The following TBX15 variants were observed in gnomAD, a reference collection of about 807,000 sequenced individuals.
TBX15 encodes T-box transcription factor TBX15.
Under a neutral mutation model 53.9 loss-of-function variants are expected in TBX15, and 18 were observed. The observed-to-expected ratio is 0.33, with a 90% CI of 0.23 to 0.49. The LOEUF (loss-of-function observed/expected upper bound fraction) is 0.49, where lower values mean the gene tolerates loss of function less well. Among genes scored for constraint, TBX15 ranks in the 20% least tolerant of loss-of-function variants. The pLI is 0.98. For missense variants in TBX15, 692 were observed against 749.5 expected, an observed-to-expected ratio of 0.92 and a Z score of 0.90; for synonymous variants, 295 against 278.0, an observed-to-expected ratio of 1.06 and a Z score of -0.61.
chr1:118,936,947 T>A (rs920084109), intron 1 of TBX15, among the ~76,000 whole-genome samples: 1 of 152,188 alleles, frequency 6.6e-6, no homozygotes, highest in Non-Finnish European at 1.5e-5. Context: ...GTTCTTGTTC[T>A]GAAGGAGCTC....
chr1:118,914,785 C>G (rs1655144749), intron 5 of TBX15, among the ~76,000 whole-genome samples: 1 of 152,176 alleles, frequency 6.6e-6, no homozygotes. Flanking sequence ...TTGCCAGGGT[C>G]TTACCCAAAG....
chr1:118,947,434 G>A (rs1394918581), intron 1 of TBX15, among the ~76,000 whole-genome samples: 2 of 152,180 alleles, frequency 1.3e-5, no homozygotes. Context: ...GTTAGTCCTG[G>A]TTTGGAATCA....
At position 118,957,646 on chromosome 1, in the gene TBX15, G is replaced by A. The variant is rs137905799; in HGVS notation, c.206-25814C>T. Among the ~76,000 whole-genome samples the A allele has an allele frequency of 2.7e-4, 41 of 152,180 alleles. 2 individuals are homozygous for A. The East Asian group carries it at 7.0e-3, about 26-fold the overall frequency. ...CTCCCCCAACCCCACAACAGGCCGC[G>A]GTGTGTGATGTTCCCCTTCCTGTGT... On this transcript the variant is annotated intron_variant, in intron 1 of 7. Transcript: ENST00000369429.
chr1:118,972,934 G>A (rs1474555390), intron 1 of TBX15, among the ~76,000 whole-genome samples: 4 of 152,192 alleles, frequency 2.6e-5, no homozygotes, highest in Admixed American at 1.3e-4. Context: ...AAGAGTGTCT[G>A]AGTGGTCTCA....
intron 6 of TBX15, among the ~76,000 whole-genome samples, chr1:118,902,117 T>C (rs938670231): frequency 6.6e-6 from 1 of 152,084 alleles, no homozygotes; most frequent in African/African-American, 2.4e-5. Context: ...TAATATATAT[T>C]ATCCTACAGA....
intron 5 of TBX15, among the ~76,000 whole-genome samples, chr1:118,922,565 T>C (rs1655458496): frequency 1.3e-5 from 2 of 152,164 alleles, no homozygotes; most frequent in African/African-American, 2.4e-5. Flanking sequence ...ACAATGTCAG[T>C]GAAAAGATCA....
chr1:118,893,742 T>C (rs1306796647), intron 7 of TBX15, among the ~76,000 whole-genome samples: 1 of 152,242 alleles, frequency 6.6e-6, no homozygotes, highest in Non-Finnish European at 1.5e-5. Context: ...CTAATCATCA[T>C]GCCCTTCAAA....
chr1:118,900,880 C>T lies in TBX15; in HGVS notation c.927-1755G>A, dbSNP rs540165477. Among the ~76,000 whole-genome samples, 4 of 152,266 alleles carry T rather than the reference C, an allele frequency of 2.6e-5. No homozygotes were observed. The South Asian group carries it at 8.3e-4, about 32-fold the overall frequency. On this transcript the variant is annotated intron_variant, in intron 6 of 7. Transcript: ENST00000369429. ...CCACCCACCAGAATATCTTAGGATT[C>T]CCTTTAATGGCACAGGAGGCTCACT...
intron 6 of TBX15, among the ~76,000 whole-genome samples, chr1:118,902,902 C>T (rs1050023558): frequency 1.3e-5 from 2 of 152,090 alleles, no homozygotes; most frequent in Non-Finnish European, 2.9e-5. Flanking sequence ...AATTTTATCT[C>T]CAAGTTTTTA....
At chr1:118,904,820 A>G (rs1200259746) in intron 6 of TBX15, among the ~76,000 whole-genome samples, 1 of 152,208 alleles carries the variant, frequency 6.6e-6, no homozygotes, top group African/African-American at 2.4e-5. Flanking sequence ...ACAAAATAGC[A>G]TAATGGTTAA....
At position 118,931,824 on chromosome 1, in the gene TBX15, G is replaced by T. The variant is rs770145619; in HGVS notation, c.214C>A (p.Gln72Lys). 1 of 1,572,978 alleles carries T rather than the reference G, an allele frequency of 6.4e-7. No homozygotes were observed. Among genetic ancestry groups the T allele is most frequent in the South Asian group, 1.1e-5 (1 of 86,962 alleles). ...HGLEPHPDSE[Q>K]STGSDSEVLT... ...ACCTCAGAATCTGAACCAGTGCTCT[G>T]CTCAGAATCTGCAAAATAAACAATC... Residue 72 changes from glutamine (Q) to lysine (K), a missense_variant, in exon 2 of 8, where the codon CAG (glutamine) becomes AAG (lysine). This residue lies in a region of TBX15 where 307 missense variants were observed against 347.5 expected (regional missense o/e 0.88). Coordinates refer to ENST00000369429, the MANE Select transcript of TBX15 (RefSeq NM_001330677.2).
intron 5 of TBX15, among the ~76,000 whole-genome samples, chr1:118,919,500 G>A (rs1284045291): frequency 6.6e-6 from 1 of 152,168 alleles, no homozygotes; most frequent in Non-Finnish European, 1.5e-5. Context: ...AGCAAGGATG[G>A]AAGGAAGGAA....
intron 1 of TBX15, among the ~76,000 whole-genome samples, chr1:118,977,583 T>A (rs1258125502): frequency 6.6e-6 from 1 of 152,162 alleles, no homozygotes; most frequent in Non-Finnish European, 1.5e-5. Context: ...AATGTGGACA[T>A]CAGATGACGG....
At chr1:118,941,778 A>C (rs989359677) in intron 1 of TBX15, among the ~76,000 whole-genome samples, 1 of 152,186 alleles carries the variant, frequency 6.6e-6, no homozygotes, top group Non-Finnish European at 1.5e-5. Context: ...TAAAAGTAGA[A>C]TAGTCAAAAT....
intron 5 of TBX15, among the ~76,000 whole-genome samples, chr1:118,916,538 C>A (rs1283352118): frequency 6.6e-6 from 1 of 152,098 alleles, no homozygotes; most frequent in Non-Finnish European, 1.5e-5. Context: ...CAATGAGATA[C>A]CATCTCACGC....
At chr1:118,967,038 G>T (rs574336791) in intron 1 of TBX15, among the ~76,000 whole-genome samples, 1 of 152,282 alleles carries the variant, frequency 6.6e-6, no homozygotes, top group African/African-American at 2.4e-5. Flanking sequence ...CTTATTGCAA[G>T]CCAGGGATGG....
At chr1:118,946,529 G>A (rs1656353089) in intron 1 of TBX15, among the ~76,000 whole-genome samples, 1 of 152,116 alleles carries the variant, frequency 6.6e-6, no homozygotes, top group Non-Finnish European at 1.5e-5. Context: ...CTATTCTGCT[G>A]TAACAAAATG....
chr1:118,979,815 G>A (rs1459757618), intron 1 of TBX15, among the ~76,000 whole-genome samples: 4 of 152,168 alleles, frequency 2.6e-5, no homozygotes, highest in Non-Finnish European at 5.9e-5. Flanking sequence ...GATAACCCCG[G>A]GCGCACGCGG....
intron 2 of TBX15, 120 bp from the exon 3 acceptor site, chr1:118,926,731 A>T: frequency 1.2e-6 from 1 of 858,060 alleles, no homozygotes; most frequent in South Asian, 1.4e-5. Flanking sequence ...TTTGAGATGG[A>T]GTCTCGCTCT....
Sources: allele counts gnomAD v4.1 joint callset (sites outside exome capture counted in the v4.1 genomes callset), GRCh38; gene constraint gnomAD v4.1.1; regional missense constraint gnomAD v4.1.1; transcripts MANE v1.5; gene names NCBI Gene and HGNC (gene_info 2026-07-23, HGNC 2026-07-21).